The following KLF11 variants were observed in gnomAD, a reference collection of about 807,000 sequenced individuals.
The protein encoded by KLF11 is Krueppel-like factor 11.
Under a neutral mutation model 29.9 loss-of-function variants are expected in KLF11, and 26 were observed. The ratio of observed to expected loss-of-function variants is 0.87; its 90% CI spans 0.64 to 1.21. KLF11 has a LOEUF of 1.21. KLF11 is among the 50% of genes most tolerant of loss of function. The probability of loss-of-function intolerance (pLI) is 0.00; values close to 1 mark genes in which losing one functional copy is unlikely to be tolerated. For synonymous variants in KLF11, 318 were observed against 257.4 expected (o/e 1.24, Z -2.25); for missense variants, 778 against 665.7 (o/e 1.17, Z -1.86).
At chr2:10,043,823 T>C in intron 1 of KLF11, 65 bp downstream of exon 1, 1 of 1,299,996 alleles carries the variant, frequency 7.7e-7, no homozygotes, top group South Asian at 1.4e-5. Context: ...GGGGAAGTGG[T>C]GCGGCACTCG....
In KLF11 at chr2:10,043,557, G is replaced by A. The variant is rs1661055486; in HGVS notation, c.-160G>A. 6.5e-6 allele frequency: 2 copies of A among 308,496 alleles called. No homozygotes were observed. Among genetic ancestry groups the A allele is most frequent in the Non-Finnish European group, 9.3e-6 (2 of 214,602 alleles). 19.1% of individuals were successfully genotyped at this position (308,496 alleles called of 1,614,324 possible). On this transcript the variant is annotated 5_prime_UTR_variant, in exon 1 of 4. Coordinates refer to ENST00000305883, the MANE Select transcript of KLF11 (RefSeq NM_003597.5). ...CCGCCCCGCCCCTCCCGCGCCGCGA[G>A]GGCCGCGCCGGGGCAGAGCCGCGCG... is the stretch of plus-strand genomic sequence containing the variant.
Position 10,043,660 on chromosome 2 carries a change from T to A in KLF11, c.-57T>A. The A allele has an allele frequency of 8.2e-7, 1 of 1,217,382 alleles. No homozygotes were observed. The highest frequency in any genetic ancestry group is 2.9e-5 in the Admixed American group (1 of 33,908). The allele number at this position is 1,217,382 out of a possible 1,614,324, so 75.4% of individuals were successfully genotyped here. ...CCGCCCGCAGCCCACGTGCGGCCGC[T>A]GCTGCGCCCGAGCTCACGCCCCGCG... On this transcript the variant is annotated 5_prime_UTR_variant, in exon 1 of 4. Transcript: ENST00000305883.
chr2:10,051,299 C>T (rs922409777), intron 3 of KLF11, among the ~76,000 whole-genome samples: 1 of 152,000 alleles, frequency 6.6e-6, no homozygotes, highest in East Asian at 1.9e-4. Flanking sequence ...CCCTCCGCCT[C>T]CCAGGTTCAA....
chr2:10,043,744 G>C lies in KLF11; in HGVS notation c.28G>C (p.Asp10His). 1 of 1,379,698 alleles carries C rather than the reference G, an allele frequency of 7.2e-7. No homozygotes were observed. 85.5% of individuals were successfully genotyped at this position (1,379,698 alleles called of 1,614,324 possible). A position where few individuals can be genotyped will look rare whatever the true frequency, so the allele number is the denominator to read the frequency against. MHTPDFAGP[D>H]DARAVDIMDI... ...GCACACGCCGGACTTCGCAGGCCCA[G>C]ACGACGCGCGCGCAGTGAGTGGTGG... is the stretch of plus-strand genomic sequence containing the variant. Residue 10 changes from aspartate to histidine, a missense_variant, in exon 1 of 4, where the codon GAC (aspartate) becomes CAC (histidine). By Grantham distance (81) the Asp-to-His change is moderately conservative. Transcript: ENST00000305883.
intron 1 of KLF11, chr2:10,044,461 C>T (rs1230580990): frequency 4.1e-6 from 4 of 984,844 alleles, no homozygotes; most frequent in South Asian, 9.4e-5. Flanking sequence ...GGTGAGTCGG[C>T]CTCGGCGCCC....
In KLF11 at chr2:10,048,053, G is replaced by A. The variant is rs764130015; in HGVS notation, c.716G>A (p.Gly239Asp). The change falls in exon 3 of 4, where the codon GGT (glycine) becomes GAT (aspartate). Residue 239 changes from glycine (G) to aspartate (D), a missense_variant. By Grantham distance (94) the Gly-to-Asp change is moderately conservative (BLOSUM62 -1). Transcript: ENST00000305883. ...TGTCAGCCCTGCTTGCACAAGTCTG[G>A]TGGCCTGCTGCTCACTGACAAAGGC... Reference protein sequence around the residue: ...VSCQPCLHKSGGLLLTDKGQQ... With the variant: ...VSCQPCLHKSDGLLLTDKGQQ... 3.7e-6 allele frequency: 6 copies of A among 1,614,150 alleles called. No individual in the cohort carries two copies. Among genetic ancestry groups the A allele is most frequent in the Non-Finnish European group, 5.1e-6 (6 of 1,180,026 alleles).
In KLF11 at chr2:10,053,589, AAC is replaced by A. The variant is rs779632911; in HGVS notation, c.*1086_*1087del. 1.9e-4 allele frequency: 76 copies of A among 396,834 alleles called. No homozygotes were observed. The highest frequency in any genetic ancestry group is 7.8e-4 in the East Asian group (22 of 28,032). 24.6% of individuals were successfully genotyped at this position (396,834 alleles called of 1,614,324 possible). On this transcript the variant is annotated 3_prime_UTR_variant, in exon 4 of 4. Transcript: ENST00000305883. ...CTTCCTTTGTTTGCCAAATACTAGA[AAC>A]ACAAGGAAATGCAAGTTACGCTAAA...
chr2:10,052,724 G>A lies in KLF11; in HGVS notation c.*217G>A, dbSNP rs201145049. On this transcript the variant is annotated 3_prime_UTR_variant, in exon 4 of 4. Transcript: ENST00000305883. ...TAGTTTCAGAAGTTTTTTTGTTTTG[G>A]TTTTTTTTTTAAAGAAATGGTAGAA... 1.2e-5 allele frequency: 5 copies of A among 434,298 alleles called. No homozygotes were observed. 26.9% of individuals were successfully genotyped at this position (434,298 alleles called of 1,614,324 possible).
At chr2:10,052,161 A>G (rs1037544913) in intron 3 of KLF11, 66 bp from the exon 4 acceptor site, 91 of 1,472,448 alleles carry the variant, frequency 6.2e-5, no homozygotes, top group Admixed American at 3.3e-4. Context: ...AATGACATGA[A>G]TTAACCCCTT....
At chr2:10,050,891 C>CTTTT (rs1558350563) in intron 3 of KLF11, among the ~76,000 whole-genome samples, 10 of 42,014 alleles carry the variant, frequency 2.4e-4, no homozygotes, top group Admixed American at 6.5e-4. Context: ...ATAGATGCTA[C>CTTTT]CTTTTTTTTT....
At position 10,052,388 on chromosome 2, in the gene KLF11, C is replaced by T. The variant is rs532353853; in HGVS notation, c.1420C>T (p.Arg474Trp). The T allele has an allele frequency of 1.4e-5, 23 of 1,614,112 alleles. No individual in the cohort carries two copies. In the East Asian group the frequency reaches 2.0e-4, roughly 14 times the overall value. The change falls in exon 4 of 4, where the codon CGG becomes TGG. Residue 474 changes from arginine (R) to tryptophan (W), a missense_variant. Coordinates refer to ENST00000305883, the MANE Select transcript of KLF11 (RefSeq NM_003597.5). ...CAGTGACCACCTGACGAAGCATGCCCGGCGCCACATGACGACCAAGAAGAT... is the reference window on the plus strand; with the variant it reads ...CAGTGACCACCTGACGAAGCATGCCTGGCGCCACATGACGACCAAGAAGAT... ...MRSDHLTKHA[R>W]RHMTTKKIPG... is the part of the protein sequence containing the mutation.
In KLF11 at chr2:10,052,221, T is replaced by C. The variant is rs1234092598; in HGVS notation, c.1259-6T>C. The C allele has an allele frequency of 1.2e-6, 2 of 1,614,094 alleles. No individual in the cohort carries two copies. Among genetic ancestry groups the C allele is most frequent in the African/African-American group, 2.7e-5 (2 of 75,034 alleles). On this transcript the variant is annotated splice_region_variant and splice_polypyrimidine_tract_variant and intron_variant, in intron 3 of 3. Coordinates refer to ENST00000305883, the MANE Select transcript of KLF11 (RefSeq NM_003597.5). ...TCTCTTTAATATGTATTTTCTCACC[T>C]CACAGGGGAGAAGCCTTTCAACTGC...
Position 10,053,732 on chromosome 2 carries a change from G to A in KLF11, c.*1225G>A, listed in dbSNP as rs956447985. ...TTACAGTCTACCTAGAAAATAGATGGACAATATTTTTCAACTGTATGAGCA... is the reference window on the plus strand; with the variant it reads ...TTACAGTCTACCTAGAAAATAGATGAACAATATTTTTCAACTGTATGAGCA... On this transcript the variant is annotated 3_prime_UTR_variant, in exon 4 of 4. Coordinates refer to ENST00000305883, the MANE Select transcript of KLF11 (RefSeq NM_003597.5). 1 of 254,814 alleles carries A rather than the reference G, an allele frequency of 3.9e-6. No homozygotes were observed. Among genetic ancestry groups the A allele is most frequent in the Non-Finnish European group, 7.4e-6 (1 of 134,748 alleles). The allele number at this position is 254,814 out of a possible 1,614,324, so 15.8% of individuals were successfully genotyped here. A position where few individuals can be genotyped will look rare whatever the true frequency, so the allele number is the denominator to read the frequency against.
rs1281244425 is a variant in KLF11 at position 10,048,352 on chromosome 2, G to A, written c.1015G>A (p.Val339Met). 6.2e-7 allele frequency: 1 copy of A among 1,609,020 alleles called. No individual in the cohort carries two copies. The highest frequency in any genetic ancestry group is 1.1e-5 in the South Asian group (1 of 90,654). The change falls in exon 3 of 4, where the codon GTG becomes ATG. Residue 339 changes from valine (V) to methionine (M), a missense_variant. By Grantham distance (21) the Val-to-Met change is conservative. Transcript: ENST00000305883. ...GGGACCTGCTGTGCCTCAGGGAGCT[G>A]TGATGTTGGTCCTGCCCCAGGGAGC... ...FVGPAVPQGA[V>M]MLVLPQGALP...
Position 10,048,969 on chromosome 2 carries a change from C to T in KLF11, c.1258+374C>T, listed in dbSNP as rs1183435926. ...ATTCATTCACATTTAGTAAATGTAT[C>T]TTACCAGTGTGACTTATGTTTATGT... On this transcript the variant is annotated intron_variant, in intron 3 of 3. Coordinates refer to ENST00000305883, the MANE Select transcript of KLF11 (RefSeq NM_003597.5). Among the ~76,000 whole-genome samples, 3 of 121,146 alleles carry T rather than the reference C, an allele frequency of 2.5e-5. No individual in the cohort carries two copies. The East Asian group carries it at 7.9e-4, about 32-fold the overall frequency. 79.5% of individuals were successfully genotyped at this position (121,146 alleles called of 152,430 possible).
chr2:10,044,178 C>T, intron 1 of KLF11: 17 of 743,080 alleles, frequency 2.3e-5, no homozygotes, highest in Non-Finnish European at 2.6e-5. Context: ...GCGGGGCACG[C>T]GGCCGTCGGG....
chr2:10,046,169 G>T lies in KLF11; in HGVS notation c.62G>T (p.Cys21Phe), dbSNP rs1193925427. 6.2e-7 allele frequency: 1 copy of T among 1,613,880 alleles called. No homozygotes were observed. Among genetic ancestry groups the T allele is most frequent in the African/African-American group, 1.3e-5 (1 of 74,916 alleles). ...CTTTAGGTTGACATCATGGACATAT[G>T]TGAGTCCATCCTGGAGAGGAAGCGG... Reference protein sequence around the residue: ...DARAVDIMDICESILERKRHD... With the variant: ...DARAVDIMDIFESILERKRHD... Residue 21 changes from cysteine to phenylalanine, a missense_variant, in exon 2 of 4, where the codon TGT (cysteine) becomes TTT (phenylalanine). Coordinates refer to ENST00000305883, the MANE Select transcript of KLF11 (RefSeq NM_003597.5).
At position 10,052,638 on chromosome 2, in the gene KLF11, G is replaced by A. The variant is rs545836068; in HGVS notation, c.*131G>A. 136 of 879,032 alleles carry A rather than the reference G, an allele frequency of 1.5e-4. 1 individual carries two copies. In the East Asian group the frequency reaches 3.5e-3, roughly 22 times the overall value. 54.5% of individuals were successfully genotyped at this position (879,032 alleles called of 1,614,324 possible). A position where few individuals can be genotyped will look rare whatever the true frequency, so the allele number is the denominator to read the frequency against. On this transcript the variant is annotated 3_prime_UTR_variant, in exon 4 of 4. Coordinates refer to ENST00000305883, the MANE Select transcript of KLF11 (RefSeq NM_003597.5). ...CGGCCTAGGGGAAGATCGGGGAGCT[G>A]GTTTTGATGAAAGTATGTTAACTTT...
At chr2:10,043,869 C>T (rs1661075265) in intron 1 of KLF11, 111 bp downstream of exon 1, 6 of 1,118,456 alleles carry the variant, frequency 5.4e-6, no homozygotes, top group African/African-American at 3.3e-5. Flanking sequence ...GCGTGCAGGG[C>T]TTCGCTGCGG....
Sources: allele counts gnomAD v4.1 joint callset (sites outside exome capture counted in the v4.1 genomes callset), GRCh38; gene constraint gnomAD v4.1.1; transcripts MANE v1.5; gene names NCBI Gene and HGNC (gene_info 2026-07-23, HGNC 2026-07-21).